CADPS: variants seen among roughly 807,000 people sequenced by gnomAD.
CADPS encodes calcium-dependent secretion activator 1.
CADPS carries 57 observed loss-of-function variants against 167.3 expected under a neutral mutation model. The ratio of observed to expected loss-of-function variants is 0.34; its 90% CI spans 0.28 to 0.42. CADPS has a LOEUF of 0.42. CADPS is among the 20% of genes least tolerant of loss of function. The pLI, the probability that CADPS is intolerant of heterozygous loss-of-function variation, is 1.00. For synonymous variants in CADPS, 676 were observed against 635.3 expected (o/e 1.06, Z -0.96); for missense variants, 1,414 against 1,738.1 (o/e 0.81, Z 3.32).
rs764209704 is a variant in CADPS at position 62,466,296 on chromosome 3, G to A, written c.3552+43C>T. On this transcript the variant is annotated intron_variant, in intron 25 of 29. Coordinates refer to ENST00000383710, the MANE Select transcript of CADPS (RefSeq NM_003716.4). ...TTAATGGAAATGGAGACATAACAAA[G>A]CAGTGTTCACAATGAAACATTTCAC... 8 of 1,295,166 alleles carry A rather than the reference G, an allele frequency of 6.2e-6. No homozygotes were observed. The East Asian group carries it at 1.6e-4, about 26-fold the overall frequency. The allele number at this position is 1,295,166 out of a possible 1,614,324, so 80.2% of individuals were successfully genotyped here.
At chr3:62,567,159 T>C (rs1349651338) in intron 9 of CADPS, among the ~76,000 whole-genome samples, 2 of 152,140 alleles carry the variant, frequency 1.3e-5, no homozygotes, top group East Asian at 1.9e-4. Flanking sequence ...ATATTTCCTC[T>C]TGTTTTTCCT....
intron 1 of CADPS, among the ~76,000 whole-genome samples, chr3:62,868,607 C>G (rs1251489484): frequency 1.3e-5 from 2 of 152,054 alleles, no homozygotes; most frequent in Non-Finnish European, 2.9e-5. Flanking sequence ...TCAGTTTCAG[C>G]CCACAGGCCA....
chr3:62,873,647 A>G (rs2083072088), intron 1 of CADPS, among the ~76,000 whole-genome samples: 2 of 145,132 alleles, frequency 1.4e-5, no homozygotes, highest in Non-Finnish European at 3.0e-5. Context: ...CATCAAAGGC[A>G]GCCCAGAGCT....
chr3:62,507,337 C>T (rs914134614), intron 17 of CADPS, among the ~76,000 whole-genome samples: 15 of 152,120 alleles, frequency 9.9e-5, no homozygotes, highest in African/African-American at 3.1e-4. Flanking sequence ...CCTTGTGCTG[C>T]ACTCCTGTGA....
chr3:62,465,717 A>G lies in CADPS; in HGVS notation c.3553-267T>C, dbSNP rs907629178. Among the ~76,000 whole-genome samples the G allele has an allele frequency of 3.9e-4, 60 of 152,358 alleles. 1 individual carries two copies. Among genetic ancestry groups the G allele is most frequent in the Admixed American group, 3.8e-3 (58 of 15,310 alleles). ...GTGACAAAATATTATTGAGTTGCAT[A>G]TAGCATGCGATAATATTAAATGCAC... On this transcript the variant is annotated intron_variant, in intron 25 of 29. Coordinates refer to ENST00000383710, the MANE Select transcript of CADPS (RefSeq NM_003716.4). This position sits in a 1 kb window ranked among gnomAD's most constrained non-coding sequence, Gnocchi z 4.1.
chr3:62,759,180 C>A (rs890729740), intron 2 of CADPS, among the ~76,000 whole-genome samples: 19 of 152,124 alleles, frequency 1.2e-4, no homozygotes, highest in African/African-American at 4.3e-4. Context: ...GCCACCTGAG[C>A]AAGTTACTTA....
chr3:62,654,793 G>A (rs528283546), intron 4 of CADPS, among the ~76,000 whole-genome samples: 3 of 152,254 alleles, frequency 2.0e-5, no homozygotes, highest in African/African-American at 7.2e-5. Flanking sequence ...GGTAAGTGGG[G>A]AATTTCTGAT....
At chr3:62,754,846 T>C (rs2083497221) in intron 2 of CADPS, among the ~76,000 whole-genome samples, 1 of 152,208 alleles carries the variant, frequency 6.6e-6, no homozygotes, top group African/African-American at 2.4e-5. Context: ...GCATTAAACA[T>C]TAACCACTAT....
intron 3 of CADPS, among the ~76,000 whole-genome samples, chr3:62,731,533 G>A (rs1164720237): frequency 6.6e-6 from 1 of 152,078 alleles, no homozygotes; most frequent in Non-Finnish European, 1.5e-5. Flanking sequence ...TTGTTGGCAT[G>A]TATACTCTCT....
chr3:62,726,536 C>T (rs1318902227), intron 3 of CADPS, among the ~76,000 whole-genome samples: 1 of 151,778 alleles, frequency 6.6e-6, no homozygotes, highest in Non-Finnish European at 1.5e-5. Context: ...TGGACTCAGT[C>T]CTCACTAGAG....
rs540078952 is a variant in CADPS at position 62,655,506 on chromosome 3, A to G, written c.970-4426T>C. On this transcript the variant is annotated intron_variant, in intron 4 of 29. Coordinates refer to ENST00000383710, the MANE Select transcript of CADPS (RefSeq NM_003716.4). The stretch of plus-strand genomic sequence containing the variant: ...AGACAGCCTCCCAAGGACAATTCCC[A>G]CTAGGGTTATTTATGCTCTGAGGGA... Among the ~76,000 whole-genome samples, 48 of 152,268 alleles carry G rather than the reference A, an allele frequency of 3.2e-4. 1 individual carries two copies. The South Asian group carries it at 8.9e-3, about 28-fold the overall frequency.
At chr3:62,480,669 C>A (rs1480270822) in intron 22 of CADPS, among the ~76,000 whole-genome samples, 1 of 152,156 alleles carries the variant, frequency 6.6e-6, no homozygotes, top group Non-Finnish European at 1.5e-5. Flanking sequence ...CAGTTTCAGA[C>A]CATTTTTTAT....
chr3:62,435,034 C>A (rs1236154478), intron 28 of CADPS, among the ~76,000 whole-genome samples: 1 of 152,158 alleles, frequency 6.6e-6, no homozygotes, highest in Non-Finnish European at 1.5e-5. Flanking sequence ...AAACAGCAAA[C>A]AATCTCGGAG....
intron 13 of CADPS, among the ~76,000 whole-genome samples, chr3:62,518,597 T>C (rs2069593267): frequency 6.6e-6 from 1 of 152,200 alleles, no homozygotes; most frequent in Non-Finnish European, 1.5e-5. Context: ...TAGGGAAGTT[T>C]GAGAATACGA....
chr3:62,562,549 A>C (rs1049768549), intron 9 of CADPS, among the ~76,000 whole-genome samples: 1 of 152,142 alleles, frequency 6.6e-6, no homozygotes, highest in Non-Finnish European at 1.5e-5. Flanking sequence ...TGCCCAGGCT[A>C]GTCTCAGACT....
intron 2 of CADPS, among the ~76,000 whole-genome samples, chr3:62,756,273 G>C (rs56336543): frequency 0.33 from 50,613 of 151,782 alleles, 8,629 homozygotes; most frequent in Middle Eastern, 0.37. Context: ...CTCCATGTAG[G>C]CCAGGCTGGT....
At chr3:62,457,866 G>A (rs1301034490) in intron 26 of CADPS, among the ~76,000 whole-genome samples, 1 of 152,152 alleles carries the variant, frequency 6.6e-6, no homozygotes, top group Non-Finnish European at 1.5e-5. Flanking sequence ...TTTCTCATAA[G>A]TGGGAGTTGA....
At chr3:62,580,900 A>G (rs2083302957) in intron 8 of CADPS, among the ~76,000 whole-genome samples, 1 of 152,228 alleles carries the variant, frequency 6.6e-6, no homozygotes, top group Admixed American at 6.5e-5. Context: ...TTTAAAATGC[A>G]GATATTTGGA....
intron 21 of CADPS, among the ~76,000 whole-genome samples, chr3:62,482,090 G>T: frequency 6.6e-6 from 1 of 152,164 alleles, no homozygotes; most frequent in East Asian, 1.9e-4. Context: ...ACCACACAGT[G>T]ACTTAAAAGT....
Sources: gnomAD v4.1 joint callset for allele counts (sites outside exome capture counted in the v4.1 genomes callset) on GRCh38, gnomAD v4.1.1 for gene constraint, Gnocchi (gnomAD v3.1) non-coding constraint, MANE v1.5 for transcripts, NCBI Gene and HGNC (gene_info 2026-07-23, HGNC 2026-07-21) for gene names.